Variants in CDKN3 observed in about 807,000 individuals in gnomAD.
CDKN3 encodes cyclin dependent kinase inhibitor 3.
Under a neutral mutation model 36.1 loss-of-function variants are expected in CDKN3, and 19 were observed. The ratio of observed to expected loss-of-function variants is 0.53; its 90% CI spans 0.37 to 0.77. CDKN3 has a LOEUF of 0.77. CDKN3 is among the 30% of genes least tolerant of loss of function. The pLI, the probability that CDKN3 is intolerant of heterozygous loss-of-function variation, is 0.00. For synonymous variants in CDKN3, 71 were observed against 85.3 expected (o/e 0.83, Z 0.92); for missense variants, 188 against 248.6 (o/e 0.76, Z 1.64).
intron 1 of CDKN3, among the ~76,000 whole-genome samples, chr14:54,397,536 G>A: frequency 6.6e-6 from 1 of 152,244 alleles, no homozygotes; most frequent in Non-Finnish European, 1.5e-5. Context: ...CGACACCACC[G>A]CTGTCACCAT....
intron 6 of CDKN3, among the ~76,000 whole-genome samples, chr14:54,417,372 A>C (rs1426332530): frequency 6.6e-6 from 1 of 152,230 alleles, no homozygotes; most frequent in Non-Finnish European, 1.5e-5. Flanking sequence ...CCCTGAACAC[A>C]TTATGCTAAG....
chr14:54,401,057 C>G (rs1594598684), intron 2 of CDKN3, among the ~76,000 whole-genome samples: 1 of 152,186 alleles, frequency 6.6e-6, no homozygotes, highest in African/African-American at 2.4e-5. Context: ...TAATATACCA[C>G]AGGATAACAT....
intron 6 of CDKN3, 40 bp from the exon 7 acceptor site, chr14:54,417,806 AGT>A: frequency 9.4e-7 from 1 of 1,061,682 alleles, no homozygotes; most frequent in Non-Finnish European, 1.4e-6. Context: ...CCCTGTCACT[AGT>A]TATTTAATAA....
intron 4 of CDKN3, among the ~76,000 whole-genome samples, chr14:54,409,703 C>T (rs375917529): frequency 4.0e-5 from 6 of 151,760 alleles, no homozygotes; most frequent in Admixed American, 1.3e-4. Flanking sequence ...CATGATGGCG[C>T]GTGCTTGTAG....
At chr14:54,415,977 C>T (rs1315290630) in intron 6 of CDKN3, 47 bp downstream of exon 6, 4 of 1,315,256 alleles carry the variant, frequency 3.0e-6, no homozygotes, top group Admixed American at 3.4e-5. Flanking sequence ...AATAGACAAA[C>T]TTCTGTTTCC....
In CDKN3 at chr14:54,417,947, T is replaced by C. The variant is rs1221983534; in HGVS notation, c.548T>C (p.Ile183Thr). The change falls in exon 7 of 8, where the codon ATC becomes ACC. Residue 183 changes from isoleucine (I) to threonine (T), a missense_variant. Transcript: ENST00000335183. ...AGAGGATCCGGGGCAATACAGACCA[T>C]CAAGGTGAGGAGGTGGGCGGTGCTT... is the stretch of plus-strand genomic sequence containing the variant. ...DLRGSGAIQT[I>T]KQYNYLHEFR... The C allele has an allele frequency of 1.3e-6, 2 of 1,572,200 alleles. No individual in the cohort carries two copies. Among genetic ancestry groups the C allele is most frequent in the African/African-American group, 1.3e-5 (1 of 74,294 alleles).
At chr14:54,410,435 G>A (rs1344857821) in intron 4 of CDKN3, among the ~76,000 whole-genome samples, 2 of 151,880 alleles carry the variant, frequency 1.3e-5, no homozygotes, top group African/African-American at 4.9e-5. Flanking sequence ...GCTGGAGTTG[G>A]GAGCACTTAG....
chr14:54,411,680 TA>T lies in CDKN3; in HGVS notation c.395del (p.Asn132IlefsTer6). The T allele has an allele frequency of 6.2e-7, 1 of 1,612,618 alleles. No individual in the cohort carries two copies. The highest frequency in any genetic ancestry group is 8.5e-7 in the Non-Finnish European group (1 of 1,178,756). Reference sequence around the variant, plus strand: ...TAATGGAAGAGCTTACAACCTGCCTTAAAAATTACCGAAAAACCTTAATACA... The same window carrying T: ...TAATGGAAGAGCTTACAACCTGCCTTAAAATTACCGAAAAACCTTAATACA... ...EIMEELTTCL[K>X]NYRKTLIHCY... is the part of the protein sequence containing the mutation. On this transcript the variant is annotated frameshift_variant, in exon 5 of 8. Transcript: ENST00000335183. LOFTEE classifies it high-confidence loss of function.
At chr14:54,401,495 T>G (rs367703338) in intron 2 of CDKN3, 29 bp from the exon 3 acceptor site, 186 of 1,557,840 alleles carry the variant, frequency 1.2e-4, no homozygotes, top group Non-Finnish European at 1.5e-4. Flanking sequence ...AAAACTTAAC[T>G]AAACATGAAA....
chr14:54,400,009 A>C, intron 2 of CDKN3, 33 bp downstream of exon 2: 2 of 947,560 alleles, frequency 2.1e-6, no homozygotes, highest in East Asian at 4.8e-5. Flanking sequence ...TGATGAGCTA[A>C]AATCACAATC....
At position 54,420,102 on chromosome 14, in the gene CDKN3, G is replaced by A; in HGVS notation, c.*24G>A. Reference sequence around the variant, plus strand: ...AAAGGAATTCAAATAGCATATATATGACCATGTCTGAAATGTCAGTTCTCT... The same window carrying A: ...AAAGGAATTCAAATAGCATATATATAACCATGTCTGAAATGTCAGTTCTCT... On this transcript the variant is annotated 3_prime_UTR_variant, in exon 8 of 8. Coordinates refer to ENST00000335183, the MANE Select transcript of CDKN3 (RefSeq NM_005192.4). 1 of 1,298,960 alleles carries A rather than the reference G, an allele frequency of 7.7e-7. No homozygotes were observed. Among genetic ancestry groups the A allele is most frequent in the Non-Finnish European group, 1.1e-6 (1 of 899,744 alleles). 80.5% of individuals were successfully genotyped at this position (1,298,960 alleles called of 1,614,324 possible).
chr14:54,403,950 T>C (rs1362356616), intron 3 of CDKN3, among the ~76,000 whole-genome samples: 1 of 152,250 alleles, frequency 6.6e-6, no homozygotes, highest in Non-Finnish European at 1.5e-5. Context: ...AGTATTTTAC[T>C]GAGGATTTTC....
chr14:54,417,399 C>CA (rs1368973967), intron 6 of CDKN3, among the ~76,000 whole-genome samples: 1 of 152,106 alleles, frequency 6.6e-6, no homozygotes, highest in Non-Finnish European at 1.5e-5. Flanking sequence ...CAGACACACA[C>CA]AAAAAAATAT....
Position 54,411,687 on chromosome 14 carries a change from T to G in CDKN3, c.397T>G (p.Tyr133Asp). 6.2e-7 allele frequency: 1 copy of G among 1,611,152 alleles called. No homozygotes were observed. The highest frequency in any genetic ancestry group is 1.1e-5 in the South Asian group (1 of 91,028). Residue 133 changes from tyrosine (Y) to aspartate (D), a missense_variant, in exon 5 of 8, where the codon TAC becomes GAC. Physicochemically the swap from Tyr to Asp is radical, Grantham distance 160 (BLOSUM62 -3). Coordinates refer to ENST00000335183, the MANE Select transcript of CDKN3 (RefSeq NM_005192.4). ...AGAGCTTACAACCTGCCTTAAAAAT[T>G]ACCGAAAAACCTTAATACAGTACGT... ...MEELTTCLKNYRKTLIHCYGG... is the reference protein window; with the variant it reads ...MEELTTCLKNDRKTLIHCYGG...
chr14:54,418,350 G>T (rs4251667), intron 7 of CDKN3: 10,589 of 682,800 alleles, frequency 0.016, 436 homozygotes, highest in East Asian at 0.087. Context: ...ATCTATGGAA[G>T]ATCTTGTTAT....
chr14:54,418,478 A>C, intron 7 of CDKN3: 1 of 550,520 alleles, frequency 1.8e-6, no homozygotes, highest in Non-Finnish European at 3.2e-6. Context: ...CATTCCCCTA[A>C]CACTTCAAAA....
intron 2 of CDKN3, among the ~76,000 whole-genome samples, chr14:54,400,942 T>A (rs928437634): frequency 6.6e-6 from 1 of 152,216 alleles, no homozygotes; most frequent in African/African-American, 2.4e-5. Flanking sequence ...GAAGTTCTAT[T>A]TAAAAATCTT....
intron 1 of CDKN3, among the ~76,000 whole-genome samples, chr14:54,399,287 T>G (rs1594597437): frequency 1.3e-5 from 2 of 152,126 alleles, no homozygotes; most frequent in Middle Eastern, 6.8e-3. Context: ...CACCCTCCCT[T>G]TCCTATCTTC....
chr14:54,406,974 G>A (rs181385719), intron 3 of CDKN3, among the ~76,000 whole-genome samples: 134 of 152,144 alleles, frequency 8.8e-4, no homozygotes, highest in African/African-American at 2.9e-3. Context: ...TCATCTTCGC[G>A]GATTTATCTA....
Sources: gnomAD v4.1 joint callset for allele counts (sites outside exome capture counted in the v4.1 genomes callset) on GRCh38, gnomAD v4.1.1 for gene constraint, MANE v1.5 for transcripts, NCBI Gene and HGNC (gene_info 2026-07-23, HGNC 2026-07-21) for gene names.